Variants in PTPRM observed in about 807,000 individuals in gnomAD.
PTPRM encodes protein tyrosine phosphatase receptor type M, also known as receptor-type tyrosine-protein phosphatase mu.
Under a neutral mutation model 186.7 loss-of-function variants are expected in PTPRM, and 47 were observed. That is an observed-to-expected ratio of 0.25 (90% CI 0.20 to 0.32). The LOEUF is 0.32. Ranked by LOEUF, PTPRM falls within the 10% of genes least tolerant of loss-of-function variation. The pLI, the probability that PTPRM is intolerant of heterozygous loss-of-function variation, is 1.00. For synonymous variants in PTPRM, 668 were observed against 674.9 expected, an observed-to-expected ratio of 0.99 and a Z score of 0.16; for missense variants, 1,494 against 1,865.0, an observed-to-expected ratio of 0.80 and a Z score of 3.66.
intron 22 of PTPRM, among the ~76,000 whole-genome samples, chr18:8,329,897 C>T (rs927454827): frequency 2.6e-5 from 4 of 152,188 alleles, no homozygotes; most frequent in African/African-American, 9.7e-5. Flanking sequence ...CTCCTCGGCT[C>T]AAGGGATCCT....
intron 5 of PTPRM, among the ~76,000 whole-genome samples, chr18:7,948,601 A>C (rs1276645918): frequency 6.6e-6 from 1 of 152,188 alleles, no homozygotes; most frequent in East Asian, 1.9e-4. Context: ...CTTGTTACGT[A>C]TGAATGTCAT....
chr18:8,227,488 C>T (rs931049397), intron 14 of PTPRM, among the ~76,000 whole-genome samples: 1 of 152,210 alleles, frequency 6.6e-6, no homozygotes, highest in African/African-American at 2.4e-5. Flanking sequence ...TAATTCTGCA[C>T]ATCCAAGGGA....
chr18:8,029,089 G>A (rs186546091), intron 7 of PTPRM, among the ~76,000 whole-genome samples: 1 of 152,294 alleles, frequency 6.6e-6, no homozygotes, highest in East Asian at 1.9e-4. Context: ...GTAACTTCCT[G>A]TCTGGTTCAT....
At chr18:7,757,720 G>A (rs994685904) in intron 1 of PTPRM, among the ~76,000 whole-genome samples, 3 of 152,200 alleles carry the variant, frequency 2.0e-5, no homozygotes, top group African/African-American at 7.2e-5. Flanking sequence ...TTCTGTGGCA[G>A]TGGGTCTTAA....
intron 1 of PTPRM, among the ~76,000 whole-genome samples, chr18:7,770,225 G>A (rs2042212545): frequency 6.6e-6 from 1 of 152,014 alleles, no homozygotes; most frequent in Admixed American, 6.6e-5. Flanking sequence ...TGTGTTTCAG[G>A]GGACTTTGCC....
intron 2 of PTPRM, among the ~76,000 whole-genome samples, chr18:7,804,028 G>T (rs765777813): frequency 6.6e-6 from 1 of 152,126 alleles, no homozygotes; most frequent in Non-Finnish European, 1.5e-5. Context: ...GAATACCCAG[G>T]TGAGCCTAAA....
At chr18:8,116,407 G>A (rs1264953731) in intron 13 of PTPRM, among the ~76,000 whole-genome samples, 1 of 152,200 alleles carries the variant, frequency 6.6e-6, no homozygotes, top group Non-Finnish European at 1.5e-5. Context: ...TTTAAGATGA[G>A]GAAAAGGTGT....
At chr18:7,737,237 A>T (rs1417348349) in intron 1 of PTPRM, among the ~76,000 whole-genome samples, 2 of 152,044 alleles carry the variant, frequency 1.3e-5, no homozygotes, top group African/African-American at 4.8e-5. Flanking sequence ...CTGGTATTAC[A>T]GGTGCCCGCC....
intron 1 of PTPRM, among the ~76,000 whole-genome samples, chr18:7,645,665 A>G (rs2144222269): frequency 6.6e-6 from 1 of 152,316 alleles, no homozygotes; most frequent in African/African-American, 2.4e-5. Context: ...TGTGAGACCA[A>G]TAATAATTCA....
intron 2 of PTPRM, among the ~76,000 whole-genome samples, chr18:7,826,028 C>T (rs556863566): frequency 6.6e-6 from 1 of 152,084 alleles, no homozygotes; most frequent in African/African-American, 2.4e-5. Flanking sequence ...CTCAGAGCAC[C>T]TTGTTGCTTG....
intron 19 of PTPRM, among the ~76,000 whole-genome samples, chr18:8,273,946 ATT>A (rs201563016): frequency 1.3e-5 from 2 of 151,110 alleles, no homozygotes; most frequent in East Asian, 3.9e-4. Context: ...GTCCAGTAAC[ATT>A]TTTTTTTCAA....
At chr18:8,377,255 TGAA>T (rs372515460) in intron 26 of PTPRM, 7 of 152,310 alleles carry the variant, frequency 4.6e-5, no homozygotes, top group Non-Finnish European at 7.4e-5. Context: ...TGAAGTGAAG[TGAA>T]GAAGAAGTAA....
At chr18:7,752,743 A>G (rs942032243) in intron 1 of PTPRM, among the ~76,000 whole-genome samples, 15 of 152,116 alleles carry the variant, frequency 9.9e-5, no homozygotes, top group African/African-American at 3.6e-4. Flanking sequence ...TGCCTGGCCA[A>G]TTTTAGATTT....
intron 3 of PTPRM, among the ~76,000 whole-genome samples, chr18:7,896,279 AAAG>A (rs951368746): frequency 3.9e-5 from 6 of 152,110 alleles, no homozygotes; most frequent in African/African-American, 1.2e-4. Context: ...TGATAAAAAA[AAAG>A]AACTCTGCTT....
chr18:8,341,690 C>T (rs977407267), intron 22 of PTPRM, among the ~76,000 whole-genome samples: 58 of 151,876 alleles, frequency 3.8e-4, no homozygotes, highest in African/African-American at 1.3e-3. Context: ...AAGCCCCCCC[C>T]CCTTTGATTC....
chr18:7,807,279 C>A (rs1250529775), intron 2 of PTPRM, among the ~76,000 whole-genome samples: 1 of 152,212 alleles, frequency 6.6e-6, no homozygotes, highest in Non-Finnish European at 1.5e-5. Flanking sequence ...TCTTCTTACA[C>A]TGCCATGGAA....
chr18:7,804,549 A>G (rs2044138038), intron 2 of PTPRM, among the ~76,000 whole-genome samples: 1 of 152,050 alleles, frequency 6.6e-6, no homozygotes, highest in African/African-American at 2.4e-5. Flanking sequence ...GGATCTAAAA[A>G]CCTATCATAT....
intron 14 of PTPRM, among the ~76,000 whole-genome samples, chr18:8,173,360 C>A (rs1392992978): frequency 1.3e-5 from 2 of 152,216 alleles, no homozygotes; most frequent in Non-Finnish European, 2.9e-5. Context: ...CACAATATTT[C>A]TTAACACTTG....
chr18:7,980,681 G>C (rs1419008352), intron 7 of PTPRM, among the ~76,000 whole-genome samples: 1 of 152,172 alleles, frequency 6.6e-6, no homozygotes, highest in African/African-American at 2.4e-5. Context: ...ACTGTGTCCA[G>C]CCATCAGAGG....
Sources: gnomAD v4.1 joint callset for allele counts (sites outside exome capture counted in the v4.1 genomes callset) on GRCh38, gnomAD v4.1.1 for gene constraint, MANE v1.5 for transcripts, NCBI Gene and HGNC (gene_info 2026-07-23, HGNC 2026-07-21) for gene names.